The following INPP4B variants were observed in gnomAD, a reference collection of about 807,000 sequenced individuals.
INPP4B encodes the protein inositol polyphosphate-4-phosphatase type II B, also known as inositol polyphosphate 4-phosphatase type II.
INPP4B carries 55 observed loss-of-function variants against 122.5 expected under a neutral mutation model. The ratio of observed to expected loss-of-function variants is 0.45; its 90% CI spans 0.36 to 0.56. The LOEUF is 0.56. Among genes scored for constraint, INPP4B ranks in the 20% least tolerant of loss-of-function variants. The pLI is 0.00. For synonymous variants in INPP4B, 403 were observed against 388.7 expected, an observed-to-expected ratio of 1.04 and a Z score of -0.43; for missense variants, 1,000 against 1,097.7, an observed-to-expected ratio of 0.91 and a Z score of 1.26.
chr4:142,420,740 A>T, intron 5 of INPP4B, among the ~76,000 whole-genome samples: 1 of 152,226 alleles, frequency 6.6e-6, no homozygotes, highest in African/African-American at 2.4e-5. Flanking sequence ...TCTGTGAAAC[A>T]TAGGTAATGG....
chr4:142,810,503 C>T (rs1360151891), intron 1 of INPP4B, among the ~76,000 whole-genome samples: 1 of 152,250 alleles, frequency 6.6e-6, no homozygotes, highest in East Asian at 1.9e-4. Context: ...AAATGTTTTA[C>T]TGCTGTAAGT....
At chr4:142,191,907 G>C (rs962147359) in intron 15 of INPP4B, among the ~76,000 whole-genome samples, 2 of 151,944 alleles carry the variant, frequency 1.3e-5, no homozygotes, top group African/African-American at 4.8e-5. Context: ...TATGTGTATT[G>C]GTAGTTTATA....
Position 142,030,395 on chromosome 4 carries a change from G to A in INPP4B, c.2643-1481C>T, listed in dbSNP as rs1034288345. 11 of 1,064,870 alleles carry A rather than the reference G, an allele frequency of 1.0e-5. No individual in the cohort carries two copies. The African/African-American group carries it at 1.1e-4, about 11-fold the overall frequency. The allele number at this position is 1,064,870 out of a possible 1,614,324, so 66.0% of individuals were successfully genotyped here. ...AGCCTTAAATATTCTGAAATACAAT[G>A]CATTATCTTACATAACACAACTCTT... On this transcript the variant is annotated intron_variant, in intron 25 of 25. Transcript: ENST00000262992.
At chr4:142,283,620 G>T (rs185148514) in intron 9 of INPP4B, among the ~76,000 whole-genome samples, 73 of 152,158 alleles carry the variant, frequency 4.8e-4, no homozygotes, top group African/African-American at 1.7e-3. Context: ...TGAATACTAT[G>T]GGCAATTATA....
intron 17 of INPP4B, 124 bp from the exon 18 acceptor site, chr4:142,146,120 T>C: frequency 9.8e-7 from 1 of 1,019,520 alleles, no homozygotes; most frequent in Non-Finnish European, 1.4e-6. Context: ...TGAGTAGCTC[T>C]AAATTCCCAT....
intron 2 of INPP4B, among the ~76,000 whole-genome samples, chr4:142,601,806 G>A (rs866904813): frequency 1.3e-5 from 2 of 151,092 alleles, no homozygotes; most frequent in Admixed American, 6.6e-5. Context: ...CATCTCTACC[G>A]AAAATATAAA....
intron 2 of INPP4B, among the ~76,000 whole-genome samples, chr4:142,559,091 C>G (rs1366982959): frequency 2.6e-5 from 4 of 152,136 alleles, no homozygotes; most frequent in African/African-American, 9.7e-5. Context: ...TCAGTCGACA[C>G]AACTCTGGAA....
chr4:142,220,257 G>C (rs538868150), intron 12 of INPP4B, among the ~76,000 whole-genome samples: 1 of 152,244 alleles, frequency 6.6e-6, no homozygotes, highest in East Asian at 1.9e-4. Context: ...GACAAGATTA[G>C]AGGCTCCCAC....
At chr4:142,337,590 G>A (rs1483741468) in intron 7 of INPP4B, among the ~76,000 whole-genome samples, 1 of 148,180 alleles carries the variant, frequency 6.7e-6, no homozygotes, top group Non-Finnish European at 1.5e-5. Flanking sequence ...TTTTCTCTTT[G>A]GCAAAGTGCT....
chr4:142,398,138 G>A (rs996739487), intron 7 of INPP4B, among the ~76,000 whole-genome samples: 11 of 151,426 alleles, frequency 7.3e-5, no homozygotes, highest in Non-Finnish European at 1.5e-4. Flanking sequence ...CACTTGGGGA[G>A]GCCGAGGCCG....
chr4:142,800,925 G>A (rs1447686030), intron 1 of INPP4B, among the ~76,000 whole-genome samples: 1 of 152,136 alleles, frequency 6.6e-6, no homozygotes, highest in East Asian at 1.9e-4. Context: ...GGGACTGTCT[G>A]AGAGTCCATC....
At chr4:142,107,527 A>G (rs1199865523) in intron 23 of INPP4B, among the ~76,000 whole-genome samples, 1 of 152,196 alleles carries the variant, frequency 6.6e-6, no homozygotes, top group Non-Finnish European at 1.5e-5. Context: ...GAATTGGACA[A>G]TGGCCCCCTC....
chr4:142,560,262 A>C (rs1251730692), intron 2 of INPP4B, among the ~76,000 whole-genome samples: 1 of 152,212 alleles, frequency 6.6e-6, no homozygotes, highest in East Asian at 1.9e-4. Context: ...CAGCCTAGAC[A>C]TGGCCCTCTT....
chr4:142,146,518 C>T (rs1368177482), intron 17 of INPP4B, among the ~76,000 whole-genome samples: 2 of 152,150 alleles, frequency 1.3e-5, no homozygotes, highest in African/African-American at 2.4e-5. Flanking sequence ...TGAAACTCTG[C>T]ACCCCTTACA....
intron 7 of INPP4B, among the ~76,000 whole-genome samples, chr4:142,332,118 T>C (rs1774761036): frequency 6.6e-6 from 1 of 152,224 alleles, no homozygotes; most frequent in Non-Finnish European, 1.5e-5. Context: ...GAAAAGCTAA[T>C]TTTTAGTACA....
At chr4:142,185,435 T>C (rs1409126035) in intron 15 of INPP4B, among the ~76,000 whole-genome samples, 1 of 151,694 alleles carries the variant, frequency 6.6e-6, no homozygotes, top group Non-Finnish European at 1.5e-5. Context: ...CAGCCATACT[T>C]CTACTTCACA....
rs551357881 is a variant in INPP4B at position 142,442,383 on chromosome 4, GC to G, written c.-126-10999del. On this transcript the variant is annotated intron_variant, in intron 3 of 25. Coordinates refer to ENST00000262992, the MANE Select transcript of INPP4B (RefSeq NM_001101669.3). ...GCCAAGATCATGCCACTGCACTCCA[GC>G]CTGGGCAACAGAGCAAGACTCCATC... Among the ~76,000 whole-genome samples the G allele has an allele frequency of 5.6e-3, 697 of 124,868 alleles. 10 individuals carry two copies. The highest frequency in any genetic ancestry group is 0.019 in the African/African-American group (630 of 33,130). The allele number at this position is 124,868 out of a possible 152,430, so 81.9% of individuals were successfully genotyped here.
intron 2 of INPP4B, among the ~76,000 whole-genome samples, chr4:142,502,314 A>G (rs1250568663): frequency 6.6e-6 from 1 of 152,028 alleles, no homozygotes; most frequent in African/African-American, 2.4e-5. Flanking sequence ...GCTGAACCCA[A>G]ATTTTTAGCC....
At chr4:142,629,639 G>A (rs1025529269) in intron 2 of INPP4B, among the ~76,000 whole-genome samples, 2 of 151,952 alleles carry the variant, frequency 1.3e-5, no homozygotes, top group Non-Finnish European at 1.5e-5. Flanking sequence ...AAACAATATA[G>A]AGCCATGAAA....
Sources: allele counts gnomAD v4.1 joint callset (sites outside exome capture counted in the v4.1 genomes callset), GRCh38; gene constraint gnomAD v4.1.1; transcripts MANE v1.5; gene names NCBI Gene and HGNC (gene_info 2026-07-23, HGNC 2026-07-21).